Variants in SBF2 observed in about 807,000 individuals in gnomAD.
SBF2 encodes SET binding factor 2.
In SBF2, 112 loss-of-function variants were observed where a neutral mutation model predicts 225.2. The observed-to-expected ratio is 0.50, with a 90% CI of 0.43 to 0.58. The LOEUF is 0.58. SBF2 is among the 20% of genes least tolerant of loss of function. The pLI, the probability that SBF2 is intolerant of heterozygous loss-of-function variation, is 0.00. For synonymous variants in SBF2, 763 were observed against 773.3 expected, an observed-to-expected ratio of 0.99 and a Z score of 0.22; for missense variants, 1,996 against 2,206.2, an observed-to-expected ratio of 0.90 and a Z score of 1.91.
intron 2 of SBF2, among the ~76,000 whole-genome samples, chr11:10,076,930 G>C (rs1951144037): frequency 6.6e-6 from 1 of 152,154 alleles, no homozygotes; most frequent in African/African-American, 2.4e-5. Context: ...CTGCATCTGA[G>C]GAAGAGCTTG....
At chr11:10,055,197 C>G (rs562616483) in intron 2 of SBF2, among the ~76,000 whole-genome samples, 1 of 151,958 alleles carries the variant, frequency 6.6e-6, no homozygotes. Context: ...CCACCAAGCC[C>G]GGTCAGAATG....
chr11:9,824,691 T>A (rs1429384077), intron 28 of SBF2, among the ~76,000 whole-genome samples: 1 of 152,148 alleles, frequency 6.6e-6, no homozygotes, highest in East Asian at 1.9e-4. Context: ...AATGTTGGAA[T>A]GGATAACATG....
At chr11:9,942,936 A>AAAGG (rs1348415444) in intron 16 of SBF2, among the ~76,000 whole-genome samples, 14 of 150,638 alleles carry the variant, frequency 9.3e-5, no homozygotes, top group South Asian at 2.1e-4. Flanking sequence ...AGAAAGAAAG[A>AAAGG]AAGAAGGAAG....
intron 1 of SBF2, among the ~76,000 whole-genome samples, chr11:10,247,649 C>T (rs1475435225): frequency 1.3e-5 from 2 of 151,916 alleles, no homozygotes; most frequent in African/African-American, 2.4e-5. Context: ...GAGCCAAGAT[C>T]GTGCCACTGT....
chr11:10,273,428 A>G (rs1962700248), intron 1 of SBF2, among the ~76,000 whole-genome samples: 1 of 152,268 alleles, frequency 6.6e-6, no homozygotes, highest in South Asian at 2.1e-4. Flanking sequence ...AACAGAAAAG[A>G]CTACAATGAA....
chr11:10,191,212 A>G (rs1337997578), intron 2 of SBF2, among the ~76,000 whole-genome samples: 1 of 152,168 alleles, frequency 6.6e-6, no homozygotes, highest in East Asian at 1.9e-4. Context: ...ACAACAAACC[A>G]CTTAAGGATT....
At chr11:9,810,411 T>G (rs1218078488) in intron 30 of SBF2, 1 of 152,232 alleles carries the variant, frequency 6.6e-6, no homozygotes, top group Non-Finnish European at 1.5e-5. Flanking sequence ...AATTAAGGTA[T>G]GAGAATAGTA....
At chr11:10,291,608 A>G (rs1253672680) in intron 1 of SBF2, among the ~76,000 whole-genome samples, 2 of 151,756 alleles carry the variant, frequency 1.3e-5, no homozygotes, top group Non-Finnish European at 2.9e-5. Context: ...TGGGCTAGTG[A>G]CTTTTTCCGA....
chr11:9,868,326 CTACAAAAA>C (rs1858406639), intron 17 of SBF2, among the ~76,000 whole-genome samples: 1 of 83,546 alleles, frequency 1.2e-5, no homozygotes, highest in Non-Finnish European at 2.2e-5. Context: ...AATCCCGTCT[CTACAAAAA>C]TACAAAAAAA....
intron 1 of SBF2, among the ~76,000 whole-genome samples, chr11:10,261,353 C>A (rs986886069): frequency 6.6e-6 from 1 of 152,156 alleles, no homozygotes. Context: ...CAAGCACATG[C>A]CACCATACCC....
chr11:10,164,647 T>C (rs1955877905), intron 2 of SBF2, among the ~76,000 whole-genome samples: 2 of 152,148 alleles, frequency 1.3e-5, no homozygotes, highest in South Asian at 4.1e-4. Context: ...TTGGTTCCAC[T>C]GAGTATCACT....
intron 1 of SBF2, among the ~76,000 whole-genome samples, chr11:10,226,024 GT>G (rs1002193338): frequency 3.3e-5 from 5 of 152,046 alleles, no homozygotes; most frequent in African/African-American, 1.2e-4. Flanking sequence ...ATATAAGCCT[GT>G]TTACTATAAA....
At chr11:10,233,504 T>C (rs893028075) in intron 1 of SBF2, among the ~76,000 whole-genome samples, 1 of 151,958 alleles carries the variant, frequency 6.6e-6, no homozygotes, top group African/African-American at 2.4e-5. Context: ...AGCTTAAAAG[T>C]ATTCATTTTT....
intron 16 of SBF2, among the ~76,000 whole-genome samples, chr11:9,941,143 C>G (rs1392882458): frequency 6.7e-6 from 1 of 148,868 alleles, no homozygotes; most frequent in Non-Finnish European, 1.5e-5. Flanking sequence ...GACCCTGTCT[C>G]TACAAAAAAA....
intron 1 of SBF2, among the ~76,000 whole-genome samples, chr11:10,223,399 T>TTATATATA (rs3074175): frequency 0.017 from 1,021 of 58,822 alleles, 69 homozygotes; most frequent in Admixed American, 0.021. Flanking sequence ...ATTTTGCACA[T>TTATATATA]TATATATATA....
At chr11:10,271,814 A>G (rs1387888766) in intron 1 of SBF2, among the ~76,000 whole-genome samples, 1 of 112,016 alleles carries the variant, frequency 8.9e-6, no homozygotes, top group African/African-American at 2.9e-5. Context: ...TATCTTATGT[A>G]TAAAAGTACT....
At chr11:10,066,150 A>G (rs1180568500) in intron 2 of SBF2, among the ~76,000 whole-genome samples, 1 of 152,040 alleles carries the variant, frequency 6.6e-6, no homozygotes, top group Non-Finnish European at 1.5e-5. Flanking sequence ...TTTTTCCTTA[A>G]AAAAATAACA....
Position 10,108,168 on chromosome 11 carries a change from T to C in SBF2, c.142-65187A>G, listed in dbSNP as rs1043332331. ...TAAGTAACCATAAATTCAAACACGA[T>C]AGAACAAATAGTTTTAAAAAGATGT... On this transcript the variant is annotated intron_variant, in intron 2 of 39. Coordinates refer to ENST00000256190, the MANE Select transcript of SBF2 (RefSeq NM_030962.4). 1.1e-4 allele frequency among the ~76,000 whole-genome samples: 17 copies of C among 152,108 alleles called. No individual in the cohort carries two copies. In the South Asian group the frequency reaches 3.3e-3, roughly 30 times the overall value.
intron 2 of SBF2, among the ~76,000 whole-genome samples, chr11:10,119,316 TATAAAGA>T (rs1236753104): frequency 2.6e-5 from 4 of 152,014 alleles, no homozygotes; most frequent in Non-Finnish European, 2.9e-5. Flanking sequence ...TAAATACTAG[TATAAAGA>T]ATAAAGTAGA....
Sources: gnomAD v4.1 joint callset for allele counts (sites outside exome capture counted in the v4.1 genomes callset) on GRCh38, gnomAD v4.1.1 for gene constraint, MANE v1.5 for transcripts, NCBI Gene and HGNC (gene_info 2026-07-23, HGNC 2026-07-21) for gene names.